The following DHCR24 variants were observed in gnomAD, a reference collection of about 807,000 sequenced individuals.
The protein encoded by DHCR24 is delta(24)-sterol reductase.
A neutral mutation model predicts 61.2 loss-of-function variants in DHCR24; 28 were observed. The observed-to-expected ratio is 0.46, with a 90% confidence interval of 0.34 to 0.63. The LOEUF is 0.63. Ranked by LOEUF, DHCR24 falls within the 20% of genes least tolerant of loss-of-function variation. The pLI, the probability that DHCR24 is intolerant of heterozygous loss-of-function variation, is 0.01. For missense variants in DHCR24, 538 were observed against 679.1 expected (o/e 0.79, Z 2.31); for synonymous variants, 261 against 275.9 (o/e 0.95, Z 0.54).
intron 6 of DHCR24, among the ~76,000 whole-genome samples, chr1:54,860,576 C>T (rs1365066234): frequency 6.6e-6 from 1 of 152,228 alleles, no homozygotes; most frequent in Non-Finnish European, 1.5e-5. Flanking sequence ...GTGCCCAATA[C>T]CTCCTCTGAT....
intron 6 of DHCR24, among the ~76,000 whole-genome samples, chr1:54,863,839 C>T (rs1185366660): frequency 1.3e-5 from 2 of 152,146 alleles, no homozygotes; most frequent in Non-Finnish European, 2.9e-5. Flanking sequence ...ACAAAGAACT[C>T]TTACATCTCA....
chr1:54,854,019 C>T lies in DHCR24; in HGVS notation c.1218+18G>A, dbSNP rs995780096. 2 of 1,607,070 alleles carry T rather than the reference C, an allele frequency of 1.2e-6. No individual in the cohort carries two copies. The highest frequency in any genetic ancestry group is 2.7e-5 in the African/African-American group (2 of 74,766). ...AGGGAATGCACCTGGTGCGCCCTCC[C>T]TGCCCTGCCCCACTCACGTGGATGT... On this transcript the variant is annotated intron_variant, in intron 7 of 8. Coordinates refer to ENST00000371269, the MANE Select transcript of DHCR24 (RefSeq NM_014762.4).
chr1:54,861,004 A>AC (rs990933764), intron 6 of DHCR24, among the ~76,000 whole-genome samples: 2 of 152,034 alleles, frequency 1.3e-5, no homozygotes, highest in African/African-American at 4.8e-5. Context: ...GAAAAAAAAA[A>AC]AAAAAAACTT....
In DHCR24 at chr1:54,853,446, C is replaced by A. The variant is rs201458129; in HGVS notation, c.1385G>T (p.Arg462Leu). 6.2e-7 allele frequency: 1 copy of A among 1,614,168 alleles called. No homozygotes were observed. Among genetic ancestry groups the A allele is most frequent in the East Asian group, 2.2e-5 (1 of 44,878 alleles). ...SCMRQLEKFV[R>L]SVHGFQMLYA... The stretch of plus-strand genomic sequence containing the variant: ...CTGGGCCACTCACCCATGCACGCTG[C>A]GGACAAACTTCTCCAGCTGCCTCAT... Residue 462 changes from arginine to leucine, a missense_variant, in exon 8 of 9, where the codon CGC becomes CTC. Physicochemically the swap from Arg to Leu is moderately radical, Grantham distance 102. Coordinates refer to ENST00000371269, the MANE Select transcript of DHCR24 (RefSeq NM_014762.4).
chr1:54,870,596 G>GT (rs1355827590), intron 5 of DHCR24, among the ~76,000 whole-genome samples: 5 of 152,306 alleles, frequency 3.3e-5, no homozygotes, highest in African/African-American at 9.6e-5. Context: ...TAAATGCTAT[G>GT]TAACAGTTAA....
intron 6 of DHCR24, among the ~76,000 whole-genome samples, chr1:54,859,250 C>T (rs1330756516): frequency 2.0e-5 from 3 of 152,024 alleles, no homozygotes; most frequent in Non-Finnish European, 2.9e-5. Context: ...TCTTCCAGCC[C>T]CAGTCAAGCC....
At chr1:54,864,602 C>T (rs1394652881) in intron 6 of DHCR24, among the ~76,000 whole-genome samples, 3 of 152,146 alleles carry the variant, frequency 2.0e-5, no homozygotes, top group Non-Finnish European at 4.4e-5. Flanking sequence ...TTTGGAACTA[C>T]ACAGAGGTAG....
Position 54,882,351 on chromosome 1 carries a change from C to T in DHCR24, c.387+1267G>A, listed in dbSNP as rs78007625. ...AAAATTAAGACTAACCATATCAAGTCTATTACAATGTGGAACAAGAACAAC... is the reference window on the plus strand; with the variant it reads ...AAAATTAAGACTAACCATATCAAGTTTATTACAATGTGGAACAAGAACAAC... On this transcript the variant is annotated intron_variant, in intron 2 of 8. Transcript: ENST00000371269. Among the ~76,000 whole-genome samples, 1,212 of 152,272 alleles carry T rather than the reference C, an allele frequency of 8.0e-3. 17 individuals carry two copies. The highest frequency in any genetic ancestry group is 0.027 in the African/African-American group (1,139 of 41,552).
chr1:54,869,538 T>A (rs1646985601), intron 5 of DHCR24, among the ~76,000 whole-genome samples: 1 of 152,080 alleles, frequency 6.6e-6, no homozygotes, highest in African/African-American at 2.4e-5. Context: ...ATTATTTACA[T>A]GCAAAAATGG....
intron 5 of DHCR24, among the ~76,000 whole-genome samples, chr1:54,866,520 CCATTTA>C (rs770611449): frequency 1.3e-5 from 2 of 152,124 alleles, no homozygotes; most frequent in Non-Finnish European, 2.9e-5. Context: ...TTTGCTTTTT[CCATTTA>C]CAACACACTT....
chr1:54,886,785 C>T, intron 1 of DHCR24, 104 bp downstream of exon 1: 3 of 1,410,164 alleles, frequency 2.1e-6, no homozygotes, highest in South Asian at 2.5e-5. Context: ...CCCAGGAAGT[C>T]CTGGCCGCCC....
intron 5 of DHCR24, among the ~76,000 whole-genome samples, chr1:54,868,477 A>C (rs563029824): frequency 6.6e-6 from 1 of 152,220 alleles, no homozygotes; most frequent in South Asian, 2.1e-4. Flanking sequence ...CTCAAAAAAA[A>C]ACAAAAGATA....
At chr1:54,878,314 T>G (rs1184464871) in intron 2 of DHCR24, among the ~76,000 whole-genome samples, 1 of 148,570 alleles carries the variant, frequency 6.7e-6, no homozygotes, top group Non-Finnish European at 1.5e-5. Flanking sequence ...GAGACCAGCC[T>G]GGCCAACATG....
At chr1:54,853,185 G>GA (rs942793708) in intron 8 of DHCR24, among the ~76,000 whole-genome samples, 1 of 151,882 alleles carries the variant, frequency 6.6e-6, no homozygotes, top group Non-Finnish European at 1.5e-5. Context: ...GGGGCTGCTG[G>GA]GGGGGTGTGA....
At chr1:54,855,517 G>A (rs1646902958) in intron 6 of DHCR24, among the ~76,000 whole-genome samples, 1 of 152,216 alleles carries the variant, frequency 6.6e-6, no homozygotes, top group African/African-American at 2.4e-5. Context: ...ACAACCGCAG[G>A]TGTGGAAGAC....
At chr1:54,876,895 T>C (rs890262689) in intron 2 of DHCR24, among the ~76,000 whole-genome samples, 3 of 151,836 alleles carry the variant, frequency 2.0e-5, no homozygotes, top group Non-Finnish European at 4.4e-5. Context: ...GGTGCACAGC[T>C]TGATCTTACA....
At chr1:54,881,874 C>A (rs544888062) in intron 2 of DHCR24, among the ~76,000 whole-genome samples, 17 of 152,106 alleles carry the variant, frequency 1.1e-4, no homozygotes, top group Non-Finnish European at 2.1e-4. Context: ...AATGCAGGAA[C>A]AGGAAACCAA....
At chr1:54,878,093 A>T (rs1461881854) in intron 2 of DHCR24, among the ~76,000 whole-genome samples, 5 of 152,118 alleles carry the variant, frequency 3.3e-5, no homozygotes, top group Non-Finnish European at 7.4e-5. Flanking sequence ...AGAGTTGCAC[A>T]GAGAAAAAAC....
In DHCR24 at chr1:54,886,948, ACAC is replaced by A; in HGVS notation, c.169_171del (p.Val57del). On this transcript the variant is annotated inframe_deletion, in exon 1 of 9. Coordinates refer to ENST00000371269, the MANE Select transcript of DHCR24 (RefSeq NM_014762.4). ...AGGCGCGGAGCGCTGCTGAGCTTGA[ACAC>A]CACCCAGGCGCGCACGTAGTAGTAG... 2 of 1,613,598 alleles carry A rather than the reference ACAC, an allele frequency of 1.2e-6. No individual in the cohort carries two copies. Among genetic ancestry groups the A allele is most frequent in the Non-Finnish European group, 1.7e-6 (2 of 1,179,670 alleles).
Sources: allele counts gnomAD v4.1 joint callset (sites outside exome capture counted in the v4.1 genomes callset), GRCh38; gene constraint gnomAD v4.1.1; transcripts MANE v1.5; gene names NCBI Gene and HGNC (gene_info 2026-07-23, HGNC 2026-07-21).